NLGN1: variants seen among roughly 807,000 people sequenced by gnomAD.
The protein encoded by NLGN1 is neuroligin 1.
NLGN1 carries 12 observed loss-of-function variants against 65.5 expected under a neutral mutation model. The ratio of observed to expected loss-of-function variants is 0.18; its 90% CI spans 0.12 to 0.30. The LOEUF is 0.30. Ranked by LOEUF, NLGN1 falls within the 10% of genes least tolerant of loss-of-function variation. The pLI is 1.00. For missense variants in NLGN1, 750 were observed against 1,007.1 expected (o/e 0.74, Z 3.46); for synonymous variants, 350 against 359.5 (o/e 0.97, Z 0.30).
At chr3:173,688,188 G>A (rs758960814) in intron 3 of NLGN1, among the ~76,000 whole-genome samples, 6 of 152,244 alleles carry the variant, frequency 3.9e-5, no homozygotes, top group Middle Eastern at 3.4e-3. Context: ...CTTGTGAGTC[G>A]TATGACATGG....
intron 2 of NLGN1, among the ~76,000 whole-genome samples, chr3:173,582,494 C>A (rs1016390735): frequency 6.6e-6 from 1 of 152,012 alleles, no homozygotes; most frequent in Non-Finnish European, 1.5e-5. Flanking sequence ...CTGCCAATTT[C>A]ATGACTGGGA....
At chr3:173,460,352 G>A (rs866994294) in intron 2 of NLGN1, among the ~76,000 whole-genome samples, 2 of 152,034 alleles carry the variant, frequency 1.3e-5, no homozygotes, top group Non-Finnish European at 2.9e-5. Flanking sequence ...GGAGACTTAC[G>A]GCTTAGTTGA....
chr3:174,005,135 A>C (rs1724100307), intron 4 of NLGN1, among the ~76,000 whole-genome samples: 1 of 152,188 alleles, frequency 6.6e-6, no homozygotes, highest in African/African-American at 2.4e-5. Context: ...CCTTTTATCC[A>C]AGGATATAAT....
chr3:173,757,103 T>A (rs1777251721), intron 3 of NLGN1, among the ~76,000 whole-genome samples: 2 of 151,994 alleles, frequency 1.3e-5, no homozygotes, highest in South Asian at 4.1e-4. Flanking sequence ...GAATTCTGTG[T>A]GTAAATTGTG....
chr3:173,883,814 CTTTTTTTT>C (rs74363696), intron 4 of NLGN1, among the ~76,000 whole-genome samples: 2 of 96,476 alleles, frequency 2.1e-5, no homozygotes, highest in African/African-American at 7.9e-5. Flanking sequence ...GGGAAACTTT[CTTTTTTTT>C]TTTTTTTTTT....
intron 4 of NLGN1, among the ~76,000 whole-genome samples, chr3:174,025,760 AGT>A (rs1230617498): frequency 1.3e-5 from 2 of 152,228 alleles, no homozygotes; most frequent in Non-Finnish European, 2.9e-5. Context: ...TTGATAGGAA[AGT>A]AAACTGGATT....
At chr3:173,513,861 A>G (rs921152490) in intron 2 of NLGN1, among the ~76,000 whole-genome samples, 2 of 151,952 alleles carry the variant, frequency 1.3e-5, no homozygotes, top group Admixed American at 1.3e-4. Flanking sequence ...CCCCGTCTCT[A>G]CTAAAAATAC....
intron 4 of NLGN1, among the ~76,000 whole-genome samples, chr3:174,138,969 G>T (rs1423836201): frequency 6.6e-6 from 1 of 152,024 alleles, no homozygotes; most frequent in Admixed American, 6.6e-5. Flanking sequence ...TAATTCTCTG[G>T]TTGTTTTATA....
intron 3 of NLGN1, among the ~76,000 whole-genome samples, chr3:173,702,959 A>G (rs756899143): frequency 6.6e-6 from 1 of 152,218 alleles, no homozygotes; most frequent in African/African-American, 2.4e-5. Context: ...TATGAATTAA[A>G]TATAGTCCAA....
At chr3:173,887,293 G>A (rs1734524759) in intron 4 of NLGN1, among the ~76,000 whole-genome samples, 1 of 151,894 alleles carries the variant, frequency 6.6e-6, no homozygotes, top group East Asian at 1.9e-4. Flanking sequence ...AATGATTCTG[G>A]AATCCTAAAG....
chr3:173,685,656 G>A (rs1244841699), intron 3 of NLGN1: 1 of 985,314 alleles, frequency 1.0e-6, no homozygotes, highest in Non-Finnish European at 1.2e-6. Flanking sequence ...AGTTGTTAGG[G>A]CGGAAAGATA....
intron 4 of NLGN1, among the ~76,000 whole-genome samples, chr3:174,009,454 A>ATCTTT (rs1389827242): frequency 6.6e-6 from 1 of 152,142 alleles, no homozygotes; most frequent in Admixed American, 6.6e-5. Context: ...ATCTCCTTTC[A>ATCTTT]TCTTTACAAA....
downstream of NLGN1, among the ~76,000 whole-genome samples, chr3:174,287,595 A>C (rs1393213979): frequency 2.0e-5 from 3 of 151,562 alleles, no homozygotes; most frequent in African/African-American, 7.3e-5. Context: ...GTGAATGTTC[A>C]TGTGAAAGCA....
rs182446349 is a variant in NLGN1 at position 173,869,796 on chromosome 3, C to T, written c.646+61964C>T. On this transcript the variant is annotated intron_variant, in intron 4 of 6. Transcript: ENST00000457714. ...GGAATTAAAATACGTATCCTACAAACGAGGCTTTAATTCATTGTCTCTTTG... is the reference window on the plus strand; with the variant it reads ...GGAATTAAAATACGTATCCTACAAATGAGGCTTTAATTCATTGTCTCTTTG... 5.4e-3 allele frequency among the ~76,000 whole-genome samples: 822 copies of T among 152,216 alleles called. 3 individuals carry two copies. The highest frequency in any genetic ancestry group is 7.6e-3 in the Admixed American group (116 of 15,292).
At chr3:173,807,527 T>G (rs1222607040) in intron 3 of NLGN1, among the ~76,000 whole-genome samples, 153 bp from the exon 4 acceptor site, 1 of 152,180 alleles carries the variant, frequency 6.6e-6, no homozygotes, top group Non-Finnish European at 1.5e-5. Context: ...TAGCTATTCA[T>G]ATGAGTTGCT....
intron 4 of NLGN1, among the ~76,000 whole-genome samples, chr3:173,840,713 CAT>C (rs1180506969): frequency 6.6e-6 from 1 of 152,124 alleles, no homozygotes; most frequent in Non-Finnish European, 1.5e-5. Context: ...CCTCTCTTCT[CAT>C]ACTCACATTT....
chr3:173,670,019 G>A (rs957722319), intron 3 of NLGN1, among the ~76,000 whole-genome samples: 1 of 152,170 alleles, frequency 6.6e-6, no homozygotes, highest in African/African-American at 2.4e-5. Context: ...ACTAAAAAAA[G>A]TGTTAGTTTT....
At chr3:173,883,153 T>C (rs1733658351) in intron 4 of NLGN1, among the ~76,000 whole-genome samples, 3 of 150,830 alleles carry the variant, frequency 2.0e-5, no homozygotes, top group African/African-American at 7.4e-5. Context: ...TGTTTAATCA[T>C]TTCTAGGTTT....
chr3:173,499,549 G>A (rs1208841415), intron 2 of NLGN1, among the ~76,000 whole-genome samples: 3 of 151,742 alleles, frequency 2.0e-5, no homozygotes, highest in African/African-American at 7.3e-5. Flanking sequence ...CTCTTTTTTG[G>A]TTCCATATGA....
Sources: allele counts gnomAD v4.1 joint callset (sites outside exome capture counted in the v4.1 genomes callset), GRCh38; gene constraint gnomAD v4.1.1; transcripts MANE v1.5; gene names NCBI Gene and HGNC (gene_info 2026-07-23, HGNC 2026-07-21).